The following UBE2Q2 variants were observed in gnomAD, a reference collection of about 807,000 sequenced individuals.
UBE2Q2 encodes ubiquitin-conjugating enzyme E2 Q2.
UBE2Q2 carries 54 observed loss-of-function variants against 59.9 expected under a neutral mutation model. The observed-to-expected ratio is 0.90, with a 90% CI of 0.72 to 1.13. UBE2Q2 has a LOEUF of 1.13. UBE2Q2 is among the 50% of genes most tolerant of loss of function. The probability of loss-of-function intolerance (pLI) is 0.00; values close to 1 mark genes in which losing one functional copy is unlikely to be tolerated. For synonymous variants in UBE2Q2, 165 were observed against 155.2 expected (o/e 1.06, Z -0.47); for missense variants, 433 against 441.9 (o/e 0.98, Z 0.18).
At chr15:75,854,526 GA>G in intron 2 of UBE2Q2, 39 bp downstream of exon 2, 2 of 1,262,954 alleles carry the variant, frequency 1.6e-6, no homozygotes, top group East Asian at 4.8e-5. Context: ...TTTTCCTCAT[GA>G]ACATTACATA....
chr15:75,858,310 C>T (rs1411777520), intron 2 of UBE2Q2, among the ~76,000 whole-genome samples: 2 of 152,126 alleles, frequency 1.3e-5, no homozygotes, highest in African/African-American at 2.4e-5. Context: ...AAAATGATGA[C>T]GTTTAAATTT....
At chr15:75,876,784 C>T (rs1299655896) in intron 6 of UBE2Q2, among the ~76,000 whole-genome samples, 1 of 152,136 alleles carries the variant, frequency 6.6e-6, no homozygotes, top group Non-Finnish European at 1.5e-5. Context: ...GTTATGGAAC[C>T]TCTCTAACTA....
rs189399214 is a variant in UBE2Q2, at chr15:75,854,545, T to G, written c.282+58T>G. ...CCTCATGAACATTACATATAGAAAT[T>G]AAATGTTAAGAGATAATATGATATA... is the stretch of plus-strand genomic sequence containing the variant. On this transcript the variant is annotated intron_variant, in intron 2 of 12. Coordinates refer to ENST00000267938, the MANE Select transcript of UBE2Q2 (RefSeq NM_173469.4). 7.2e-3 allele frequency: 7,640 copies of G among 1,058,066 alleles called. 35 individuals are homozygous for G. Among genetic ancestry groups the G allele is most frequent in the Non-Finnish European group, 9.3e-3 (6,628 of 713,456 alleles). The allele number at this position is 1,058,066 out of a possible 1,614,324, so 65.5% of individuals were successfully genotyped here.
intron 12 of UBE2Q2, among the ~76,000 whole-genome samples, 161 bp downstream of exon 12, chr15:75,897,222 A>ATTTATTTTAT (rs374922551): frequency 1.8e-3 from 278 of 151,488 alleles, no homozygotes; most frequent in Non-Finnish European, 2.9e-3. Context: ...TTATTTATTT[A>ATTTATTTTAT]TTTATTTTAT....
chr15:75,882,050 A>G lies in UBE2Q2; in HGVS notation c.826-1316A>G, dbSNP rs1898460063. Reference sequence around the variant, plus strand: ...CTATTTGAAGGACTGTGTATATGGAAGCATTAGTTTTTATTTGCTTTTGGT... The same window carrying G: ...CTATTTGAAGGACTGTGTATATGGAGGCATTAGTTTTTATTTGCTTTTGGT... On this transcript the variant is annotated intron_variant, in intron 8 of 12. Transcript: ENST00000267938. Among the ~76,000 whole-genome samples the G allele has an allele frequency of 2.0e-5, 3 of 152,304 alleles. No homozygotes were observed. In the South Asian group the frequency reaches 6.2e-4, roughly 32 times the overall value.
intron 4 of UBE2Q2, among the ~76,000 whole-genome samples, chr15:75,870,723 G>A (rs192915866): frequency 1.3e-5 from 2 of 152,268 alleles, no homozygotes; most frequent in Non-Finnish European, 1.5e-5. Context: ...GTGTGTTTGA[G>A]TTCATTGGAT....
At chr15:75,855,750 A>G (rs1303650134) in intron 2 of UBE2Q2, among the ~76,000 whole-genome samples, 1 of 152,242 alleles carries the variant, frequency 6.6e-6, no homozygotes, top group Non-Finnish European at 1.5e-5. Flanking sequence ...TTAAATACCT[A>G]AGAATCAACT....
chr15:75,879,333 G>C (rs1898266714), intron 8 of UBE2Q2, 145 bp downstream of exon 8: 1 of 502,144 alleles, frequency 2.0e-6, no homozygotes, highest in Non-Finnish European at 3.6e-6. Flanking sequence ...GTTAAGACGT[G>C]AGTACTTAGG....
Position 75,862,907 on chromosome 15 carries a change from A to T in UBE2Q2, c.387+2925A>T, listed in dbSNP as rs1057183056. Among the ~76,000 whole-genome samples the T allele has an allele frequency of 2.7e-5, 4 of 149,854 alleles. No homozygotes were observed. In the East Asian group the frequency reaches 7.8e-4, roughly 29 times the overall value. The stretch of plus-strand genomic sequence containing the variant: ...TAGCTTTTAGTGGGAATTTAGGCTG[A>T]TTCCCAATTGTTATTCCCTACCCCT... On this transcript the variant is annotated intron_variant, in intron 3 of 12. Transcript: ENST00000267938.
intron 11 of UBE2Q2, among the ~76,000 whole-genome samples, chr15:75,895,496 T>A (rs1899361956): frequency 6.6e-6 from 1 of 151,926 alleles, no homozygotes. Context: ...TTTACTATTT[T>A]AAAGAGCTCT....
At position 75,873,523 on chromosome 15, in the gene UBE2Q2, A is replaced by G. The variant is rs1193431033; in HGVS notation, c.543A>G (p.Ala181=). 4 of 1,613,956 alleles carry G rather than the reference A, an allele frequency of 2.5e-6. No individual in the cohort carries two copies. In the South Asian group the frequency reaches 3.3e-5, roughly 13 times the overall value. Residue 181 remains alanine, a synonymous_variant, in exon 5 of 13, where the codon GCA becomes GCG. Transcript: ENST00000267938. ...AAGGAATTGAAAAAGAAAATTTGGC[A>G]ATATTAGAGAAAATTAGGAAGACTC... ...EDEGIEKENL[A]ILEKIRKTQR... is the part of the protein sequence containing the mutation.
intron 4 of UBE2Q2, 58 bp downstream of exon 4, chr15:75,869,068 T>G: frequency 7.1e-7 from 1 of 1,409,336 alleles, no homozygotes. Flanking sequence ...AACATTTGAG[T>G]AATTCTCAAA....
intron 12 of UBE2Q2, 132 bp from the exon 13 acceptor site, chr15:75,899,295 A>C: frequency 7.4e-6 from 2 of 269,998 alleles, no homozygotes; most frequent in Non-Finnish European, 1.3e-5. Context: ...TATATAATAT[A>C]TATATATATT....
Position 75,883,432 on chromosome 15 carries a change from T to C in UBE2Q2, c.884+8T>C. ...ACCTGTTCTCTCAGGAGGGTAAGTT[T>C]AAGTGACTACTTAAAAAGAAATTTT... is the stretch of plus-strand genomic sequence containing the variant. On this transcript the variant is annotated splice_region_variant and intron_variant, in intron 9 of 12. Coordinates refer to ENST00000267938, the MANE Select transcript of UBE2Q2 (RefSeq NM_173469.4). 2 of 1,604,772 alleles carry C rather than the reference T, an allele frequency of 1.2e-6. No homozygotes were observed. Among genetic ancestry groups the C allele is most frequent in the Non-Finnish European group, 1.7e-6 (2 of 1,176,512 alleles).
At chr15:75,893,126 A>G (rs1197009691) in intron 11 of UBE2Q2, among the ~76,000 whole-genome samples, 1 of 152,218 alleles carries the variant, frequency 6.6e-6, no homozygotes, top group East Asian at 1.9e-4. Context: ...TAAAGGTGAT[A>G]GAAGCAAGTC....
chr15:75,849,965 A>G (rs1595852359), intron 1 of UBE2Q2, among the ~76,000 whole-genome samples: 1 of 152,384 alleles, frequency 6.6e-6, no homozygotes, highest in Non-Finnish European at 1.5e-5. Context: ...TTATCTTTTC[A>G]AGATAGATAT....
intron 1 of UBE2Q2, among the ~76,000 whole-genome samples, chr15:75,853,348 G>GTTCC (rs1006329408): frequency 3.3e-5 from 5 of 152,064 alleles, no homozygotes. Flanking sequence ...GCATGTGCTT[G>GTTCC]TTATCCCAGC....
At chr15:75,897,129 TTTTA>T (rs1299404965) in intron 12 of UBE2Q2, 68 bp downstream of exon 12, 2 of 917,886 alleles carry the variant, frequency 2.2e-6, no homozygotes, top group Non-Finnish European at 3.1e-6. Flanking sequence ...ATACTTACCA[TTTTA>T]TTTTTCTGTT....
intron 7 of UBE2Q2, chr15:75,878,268 G>A: frequency 2.2e-6 from 1 of 458,498 alleles, no homozygotes; most frequent in Non-Finnish European, 3.8e-6. Context: ...GTTAGAGCAG[G>A]GGAACTTAAA....
Sources: allele counts gnomAD v4.1 joint callset (sites outside exome capture counted in the v4.1 genomes callset), GRCh38; gene constraint gnomAD v4.1.1; transcripts MANE v1.5; gene names NCBI Gene and HGNC (gene_info 2026-07-23, HGNC 2026-07-21).